The following POLR1A variants were observed in gnomAD, a reference collection of about 807,000 sequenced individuals.
POLR1A encodes the protein RNA polymerase I subunit A, also known as DNA-directed RNA polymerase I subunit RPA1.
A neutral mutation model predicts 205.3 loss-of-function variants in POLR1A; 84 were observed. The ratio of observed to expected loss-of-function variants is 0.41; its 90% CI spans 0.34 to 0.49. The LOEUF (loss-of-function observed/expected upper bound fraction) is 0.49. Among genes scored for constraint, POLR1A ranks in the 20% least tolerant of loss-of-function variants. The pLI is 0.22. For missense variants in POLR1A, 1,645 were observed against 2,204.5 expected (o/e 0.75, Z 5.08); for synonymous variants, 799 against 863.7 (o/e 0.93, Z 1.31).
intron 3 of POLR1A, among the ~76,000 whole-genome samples, chr2:86,096,029 A>G (rs7565959): frequency 0.025 from 3,817 of 151,924 alleles, 161 homozygotes; most frequent in African/African-American, 0.086. Context: ...CACCCAGCCG[A>G]CATAATCTCA....
intron 9 of POLR1A, 28 bp downstream of exon 9, chr2:86,080,788 A>G: frequency 6.3e-7 from 1 of 1,583,266 alleles, no homozygotes; most frequent in Non-Finnish European, 8.6e-7. Flanking sequence ...ATGTGTGCTC[A>G]TCACATCAGC....
rs1253623268 is a variant in POLR1A, at chr2:86,028,823, A to G, written c.4780-112T>C. The stretch of plus-strand genomic sequence containing the variant: ...CTCCTTGTGTCTGGCAGCTCGGTAC[A>G]GCTGATGACAAAGTGGTCAAGAGGT... On this transcript the variant is annotated intron_variant, in intron 31 of 33. Transcript: ENST00000263857. The surrounding 1 kb of genome is among the most constrained non-coding windows in gnomAD (Gnocchi z 4.5). The G allele has an allele frequency of 1.1e-5, 8 of 740,250 alleles. No homozygotes were observed. Among genetic ancestry groups the G allele is most frequent in the African/African-American group, 3.5e-5 (2 of 57,598 alleles). The allele number at this position is 740,250 out of a possible 1,614,324, so 45.9% of individuals were successfully genotyped here. A position where few individuals can be genotyped will look rare whatever the true frequency, so the allele number is the denominator to read the frequency against.
rs764713959 is a variant in POLR1A, at chr2:86,102,861, C to T, written c.78-2689G>A. On this transcript the variant is annotated intron_variant, in intron 1 of 33. Transcript: ENST00000263857. ...ACTTCCTAGAGAGACATTTTGTTCT[C>T]TGGGCCTGAATTTTTTACTGGAGGT... is the stretch of plus-strand genomic sequence containing the variant. 5.3e-5 allele frequency among the ~76,000 whole-genome samples: 8 copies of T among 152,174 alleles called. No individual in the cohort carries two copies. In the South Asian group the frequency reaches 6.2e-4, roughly 12 times the overall value.
At chr2:86,073,888 C>A (rs558216492) in intron 12 of POLR1A, among the ~76,000 whole-genome samples, 91 of 152,318 alleles carry the variant, frequency 6.0e-4, no homozygotes, top group Non-Finnish European at 8.4e-4. Context: ...GTGAAACACA[C>A]CTTGCTTCTT....
rs988559318 is a variant in POLR1A at position 86,047,361 on chromosome 2, A to G, written c.2635-98T>C. On this transcript the variant is annotated intron_variant, in intron 18 of 33. Transcript: ENST00000263857. ...AGGAAGCAGAAGCAATACAGCCAGA[A>G]TATTTATTCAGACCTAAGTACCAAA... 5.1e-6 allele frequency: 4 copies of G among 780,152 alleles called. No individual in the cohort carries two copies. The African/African-American group carries it at 6.8e-5, about 13-fold the overall frequency. The allele number at this position is 780,152 out of a possible 1,614,324, so 48.3% of individuals were successfully genotyped here.
intron 9 of POLR1A, among the ~76,000 whole-genome samples, chr2:86,079,202 G>A (rs1199006191): frequency 6.6e-6 from 1 of 152,196 alleles, no homozygotes. Flanking sequence ...TTAGCTCTAG[G>A]GAAAATAGAT....
chr2:86,030,978 G>A (rs1005840720), intron 30 of POLR1A, among the ~76,000 whole-genome samples: 1 of 152,224 alleles, frequency 6.6e-6, no homozygotes, highest in Non-Finnish European at 1.5e-5. Flanking sequence ...AAGATTAAAG[G>A]AGGTGGTGTA....
In POLR1A at chr2:86,028,601, G is replaced by A. The variant is rs188480389; in HGVS notation, c.4890C>T (p.Ala1630=). Residue 1630 remains alanine, a synonymous_variant, in exon 32 of 34, where the codon GCC becomes GCT. Coordinates refer to ENST00000263857, the MANE Select transcript of POLR1A (RefSeq NM_015425.6). The surrounding 1 kb of genome is among the most constrained non-coding windows in gnomAD (Gnocchi z 4.5). The part of the protein sequence containing the change: ...VIEKEIKDVF[A]VYGIAVDPRH... ...TCTGCAAGCTCCCCTTACCATACAC[G>A]GCAAACACATCCTTGATCTCCTTCT... 1.1e-4 allele frequency: 182 copies of A among 1,612,472 alleles called. 1 individual carries two copies. The East Asian group carries it at 2.1e-3, about 19-fold the overall frequency.
rs748228290 is a variant in POLR1A at position 86,045,325 on chromosome 2, G to T, written c.2922C>A (p.Gly974=). Residue 974 remains glycine, a synonymous_variant, in exon 21 of 34, where the codon GGC becomes GGA. Transcript: ENST00000263857. ...TGGTTTTCACAGCAGTGTCCACCAG[G>T]CCCTCTCGTCCTGCCATGCAGTGGA... is the stretch of plus-strand genomic sequence containing the variant. ...FFFHCMAGRE[G]LVDTAVKTSR... 39 of 1,613,724 alleles carry T rather than the reference G, an allele frequency of 2.4e-5. No homozygotes were observed. The highest frequency in any genetic ancestry group is 3.3e-5 in the Non-Finnish European group (39 of 1,179,752).
At chr2:86,064,130 A>AT (rs916262622) in intron 14 of POLR1A, among the ~76,000 whole-genome samples, 22 of 152,244 alleles carry the variant, frequency 1.4e-4, no homozygotes, top group African/African-American at 5.3e-4. Flanking sequence ...CACGGGTGAG[A>AT]TTTTTTAGTG....
Position 86,077,811 on chromosome 2 carries a change from GCACACACACA to G in POLR1A, c.1380+38_1380+47del, listed in dbSNP as rs56874564. On this transcript the variant is annotated intron_variant, in intron 11 of 33. Transcript: ENST00000263857. ...GCAAATGAGCCCTGCACGCGCGCGC[GCACACACACA>G]CACACACACACACACACACACACAC... The G allele has an allele frequency of 0.042, 7,834 of 186,282 alleles. 155 individuals are homozygous for G. The highest frequency in any genetic ancestry group is 0.12 in the African/African-American group (2,612 of 22,590). 11.5% of individuals were successfully genotyped at this position (186,282 alleles called of 1,614,324 possible).
At chr2:86,040,303 A>G in intron 25 of POLR1A, 89 bp downstream of exon 25, 1 of 1,051,248 alleles carries the variant, frequency 9.5e-7, no homozygotes, top group African/African-American at 1.6e-5. Context: ...TCTCATTCAC[A>G]CACACTCACT....
Position 86,027,877 on chromosome 2 carries a change from G to A in POLR1A, c.5062+8C>T, listed in dbSNP as rs370795081. On this transcript the variant is annotated splice_region_variant and intron_variant, in intron 33 of 33. Transcript: ENST00000263857. ...AGGGGAGGCCAGGGCTCCTGCCCAC[G>A]CACTAACCCAGCATGGTGGCTTGCT... is the stretch of plus-strand genomic sequence containing the variant. The A allele has an allele frequency of 5.0e-6, 8 of 1,613,934 alleles. No individual in the cohort carries two copies. The highest frequency in any genetic ancestry group is 2.7e-5 in the African/African-American group (2 of 74,920).
intron 14 of POLR1A, among the ~76,000 whole-genome samples, chr2:86,058,808 T>G (rs1464792842): frequency 6.6e-6 from 1 of 152,116 alleles, no homozygotes; most frequent in East Asian, 1.9e-4. Context: ...CAATTGTACT[T>G]TAAGAATTTA....
At chr2:86,103,725 T>C (rs1673865412) in intron 1 of POLR1A, among the ~76,000 whole-genome samples, 1 of 152,156 alleles carries the variant, frequency 6.6e-6, no homozygotes, top group African/African-American at 2.4e-5. Context: ...GTGACACATA[T>C]AAGAAGCTCA....
Position 86,038,733 on chromosome 2 carries a change from C to G in POLR1A, c.4001G>C (p.Arg1334Thr), listed in dbSNP as rs556805112. ...CATGAAGCGCAGGATGTCCTCGGGT[C>G]TCAGGCACTTCTCCTGCTGGTAATA... ...HAYYQQEKCL[R>T]PEDILRFMET... is the part of the protein sequence containing the mutation. Residue 1334 changes from arginine to threonine, a missense_variant, in exon 27 of 34, where the codon AGA becomes ACA. Around this residue, in one of 16 missense-constraint regions of POLR1A, gnomAD observed 394 missense variants for 468.5 expected, o/e 0.84. Coordinates refer to ENST00000263857, the MANE Select transcript of POLR1A (RefSeq NM_015425.6). 1 of 1,614,006 alleles carries G rather than the reference C, an allele frequency of 6.2e-7. No homozygotes were observed. The highest frequency in any genetic ancestry group is 1.1e-5 in the South Asian group (1 of 91,064).
chr2:86,058,037 T>C (rs1672927706), intron 14 of POLR1A, among the ~76,000 whole-genome samples: 2 of 152,178 alleles, frequency 1.3e-5, no homozygotes, highest in South Asian at 2.1e-4. Context: ...GCCTCCCAAG[T>C]AGCTAGGGCT....
At chr2:86,036,114 A>T (rs1219638926) in intron 27 of POLR1A, among the ~76,000 whole-genome samples, 1 of 152,214 alleles carries the variant, frequency 6.6e-6, no homozygotes, top group African/African-American at 2.4e-5. Flanking sequence ...AAATAATTAC[A>T]AACAGAGCAC....
intron 3 of POLR1A, among the ~76,000 whole-genome samples, chr2:86,092,200 C>G (rs2104430891): frequency 6.6e-6 from 1 of 152,214 alleles, no homozygotes; most frequent in East Asian, 1.9e-4. Flanking sequence ...TAAAAATGAC[C>G]CCAATTGGTT....
Sources: allele counts gnomAD v4.1 joint callset (sites outside exome capture counted in the v4.1 genomes callset), GRCh38; gene constraint gnomAD v4.1.1; regional missense constraint gnomAD v4.1.1; non-coding constraint Gnocchi (gnomAD v3.1); transcripts MANE v1.5; gene names NCBI Gene and HGNC (gene_info 2026-07-23, HGNC 2026-07-21).